MPHOSPH9: variants seen among roughly 807,000 people sequenced by gnomAD.
MPHOSPH9 encodes the protein M-phase phosphoprotein 9.
Under a neutral mutation model 145.5 loss-of-function variants are expected in MPHOSPH9, and 88 were observed. That is an observed-to-expected ratio of 0.60 (90% CI 0.51 to 0.72). MPHOSPH9 has a LOEUF of 0.72. Ranked by LOEUF, MPHOSPH9 falls within the 30% of genes least tolerant of loss-of-function variation. The probability of loss-of-function intolerance (pLI) is 0.00; values close to 1 mark genes in which losing one functional copy is unlikely to be tolerated. For missense variants in MPHOSPH9, 1,238 were observed against 1,386.6 expected (o/e 0.89, Z 1.70); for synonymous variants, 435 against 486.2 (o/e 0.89, Z 1.39).
intron 16 of MPHOSPH9, among the ~76,000 whole-genome samples, chr12:123,171,411 C>T (rs1046082353): frequency 6.6e-6 from 1 of 151,726 alleles, no homozygotes; most frequent in Non-Finnish European, 1.5e-5. Flanking sequence ...CAAGATTGTG[C>T]CATTGCACTC....
intron 5 of MPHOSPH9, among the ~76,000 whole-genome samples, chr12:123,220,281 T>C (rs879436324): frequency 4.6e-5 from 7 of 151,620 alleles, no homozygotes; most frequent in Non-Finnish European, 1.0e-4. Flanking sequence ...AAACATAAAA[T>C]TGGGGCCAGG....
At chr12:123,189,396 A>T (rs2045578859) in intron 13 of MPHOSPH9, among the ~76,000 whole-genome samples, 1 of 152,204 alleles carries the variant, frequency 6.6e-6, no homozygotes, top group Non-Finnish European at 1.5e-5. Flanking sequence ...TTTTGGAGCT[A>T]TGGCAGCTAG....
rs749611958 is a variant in MPHOSPH9, at chr12:123,203,034, T to C, written c.1371A>G (p.Ser457=). The C allele has an allele frequency of 6.2e-7, 1 of 1,614,174 alleles. No homozygotes were observed. Among genetic ancestry groups the C allele is most frequent in the South Asian group, 1.1e-5 (1 of 91,062 alleles). Reference sequence around the variant, plus strand: ...TCGGAAGGCCGTGAGGTTGAATCCCTGAAATCTGCTGCTTTGGCTTCATGT... The same window carrying C: ...TCGGAAGGCCGTGAGGTTGAATCCCCGAAATCTGCTGCTTTGGCTTCATGT... ...TLHMKPKQQI[S]GIQPHGLPNA... The change falls in exon 10 of 24, where the codon TCA becomes TCG. Residue 457 remains serine, a synonymous_variant. Transcript: ENST00000606320.
intron 1 of MPHOSPH9, among the ~76,000 whole-genome samples, chr12:123,241,644 T>G (rs1014868571): frequency 1.3e-5 from 2 of 152,088 alleles, no homozygotes; most frequent in African/African-American, 4.8e-5. Flanking sequence ...CCAGCCTATT[T>G]TGTTTTTTAG....
chr12:123,201,658 C>G (rs1017044898), intron 11 of MPHOSPH9, among the ~76,000 whole-genome samples: 1 of 152,072 alleles, frequency 6.6e-6, no homozygotes, highest in East Asian at 1.9e-4. Context: ...GGGTTACAGA[C>G]GTGAGCCACC....
chr12:123,161,389 A>G lies in MPHOSPH9; in HGVS notation c.3134-6T>C. The G allele has an allele frequency of 6.2e-7, 1 of 1,613,474 alleles. No individual in the cohort carries two copies. Among genetic ancestry groups the G allele is most frequent in the Non-Finnish European group, 8.5e-7 (1 of 1,179,640 alleles). On this transcript the variant is annotated splice_region_variant and splice_polypyrimidine_tract_variant and intron_variant, in intron 21 of 23. Transcript: ENST00000606320. ...TTTCTCAGAATAAGTTTTTTCTGTC[A>G]GAGAGGAGAGAAATTGCTTATATTT...
chr12:123,168,061 C>G (rs1040384788), intron 16 of MPHOSPH9, among the ~76,000 whole-genome samples: 11 of 152,192 alleles, frequency 7.2e-5, no homozygotes, highest in Admixed American at 3.3e-4. Flanking sequence ...GCAACGTGAC[C>G]TACGATCCTT....
At chr12:123,222,920 G>T in intron 4 of MPHOSPH9, 118 bp downstream of exon 4, 1 of 608,090 alleles carries the variant, frequency 1.6e-6, no homozygotes, top group South Asian at 3.5e-5. Flanking sequence ...TGGGCAACAA[G>T]AGTGAGACTC....
upstream of MPHOSPH9, among the ~76,000 whole-genome samples, chr12:123,234,975 G>A (rs912001374): frequency 6.6e-6 from 1 of 152,112 alleles, no homozygotes; most frequent in African/African-American, 2.4e-5. Context: ...ACCATACCAA[G>A]TAAAATAATT....
At chr12:123,228,371 T>A (rs1270320502) in intron 2 of MPHOSPH9, among the ~76,000 whole-genome samples, 1 of 152,072 alleles carries the variant, frequency 6.6e-6, no homozygotes, top group Non-Finnish European at 1.5e-5. Context: ...AAAATAATAG[T>A]TAGGACCAGT....
At chr12:123,236,101 TAAGGAA>T (rs1433265665), upstream of MPHOSPH9, among the ~76,000 whole-genome samples, 2 of 151,838 alleles carry the variant, frequency 1.3e-5, no homozygotes, top group African/African-American at 4.8e-5. Context: ...CAGAAAAAGT[TAAGGAA>T]AAGGAGCTAA....
At chr12:123,162,254 A>G (rs1174695731) in intron 20 of MPHOSPH9, 36 bp from the exon 21 acceptor site, 1 of 1,200,470 alleles carries the variant, frequency 8.3e-7, no homozygotes, top group Non-Finnish European at 1.1e-6. Context: ...GAGAAAAAAA[A>G]TGTTAACTGA....
intron 8 of MPHOSPH9, among the ~76,000 whole-genome samples, chr12:123,205,835 G>C (rs1419795786): frequency 1.3e-5 from 2 of 152,128 alleles, no homozygotes; most frequent in Non-Finnish European, 2.9e-5. Context: ...ATTGCTTTGG[G>C]CCAAGTTGTG....
At chr12:123,179,697 T>C (rs1179404891) in intron 15 of MPHOSPH9, among the ~76,000 whole-genome samples, 3 of 130,894 alleles carry the variant, frequency 2.3e-5, no homozygotes, top group Non-Finnish European at 4.8e-5. Context: ...CTAGGCAACA[T>C]AGTGAGACCC....
intron 11 of MPHOSPH9, 150 bp downstream of exon 11, chr12:123,202,014 A>G: frequency 1.3e-6 from 1 of 799,496 alleles, no homozygotes. Context: ...GTATTATAAG[A>G]GGGGGGTTTA....
At chr12:123,213,203 A>C (rs1369853623) in intron 7 of MPHOSPH9, among the ~76,000 whole-genome samples, 1 of 152,070 alleles carries the variant, frequency 6.6e-6, no homozygotes, top group East Asian at 1.9e-4. Flanking sequence ...AGTATATGAA[A>C]TAGTCAATAC....
chr12:123,225,760 C>T (rs2047415585), intron 3 of MPHOSPH9, among the ~76,000 whole-genome samples: 1 of 152,038 alleles, frequency 6.6e-6, no homozygotes, highest in Non-Finnish European at 1.5e-5. Flanking sequence ...TAAGGGCTAG[C>T]CACGGTGGCT....
chr12:123,198,071 G>GA (rs1279100916), intron 12 of MPHOSPH9, among the ~76,000 whole-genome samples, 176 bp downstream of exon 12: 13 of 149,464 alleles, frequency 8.7e-5, no homozygotes, highest in Non-Finnish European at 1.8e-4. Flanking sequence ...GCAACAGAGC[G>GA]AGACTCCGTC....
chr12:123,174,353 C>T (rs2044727879), intron 16 of MPHOSPH9, among the ~76,000 whole-genome samples: 1 of 149,792 alleles, frequency 6.7e-6, no homozygotes, highest in Non-Finnish European at 1.5e-5. Flanking sequence ...CTTTACGCAC[C>T]ATCTAGAAAG....
Sources: allele counts gnomAD v4.1 joint callset (sites outside exome capture counted in the v4.1 genomes callset), GRCh38; gene constraint gnomAD v4.1.1; transcripts MANE v1.5; gene names NCBI Gene and HGNC (gene_info 2026-07-23, HGNC 2026-07-21).